The following CHD9 variants were observed in gnomAD, a reference collection of about 807,000 sequenced individuals.
CHD9 encodes ATP-dependent chromatin remodeler CHD9.
Under a neutral mutation model 316.1 loss-of-function variants are expected in CHD9, and 77 were observed. The observed-to-expected ratio is 0.24, with a 90% CI of 0.20 to 0.29. The LOEUF (loss-of-function observed/expected upper bound fraction) is 0.29, where lower values mean the gene tolerates loss of function less well. Ranked by LOEUF, CHD9 falls within the 10% of genes least tolerant of loss-of-function variation. CHD9 has a pLI of 1.00. For missense variants in CHD9, 2,763 were observed against 3,438.1 expected (o/e 0.80, Z 4.91); for synonymous variants, 1,129 against 1,158.3 (o/e 0.97, Z 0.51).
Position 53,325,111 on chromosome 16 carries a change from G to A in CHD9, c.*216G>A, listed in dbSNP as rs1385504095. The A allele has an allele frequency of 7.6e-6, 3 of 393,750 alleles. No homozygotes were observed. Among genetic ancestry groups the A allele is most frequent in the Non-Finnish European group, 1.4e-5 (3 of 220,370 alleles). The allele number at this position is 393,750 out of a possible 1,614,324, so 24.4% of individuals were successfully genotyped here. ...CGTATGTACTATCAAATACATAAAG[G>A]TGTAAAATTACAACAAAAGGCATTA... On this transcript the variant is annotated 3_prime_UTR_variant, in exon 39 of 39. Coordinates refer to ENST00000447540, the MANE Select transcript of CHD9 (RefSeq NM_001308319.2).
intron 1 of CHD9, among the ~76,000 whole-genome samples, chr16:53,066,459 T>C (rs183069136): frequency 2.5e-4 from 38 of 152,316 alleles, no homozygotes; most frequent in African/African-American, 8.4e-4. Flanking sequence ...TCTACCCATA[T>C]AGAGAAATGG....
rs570326018 is a variant in CHD9 at position 53,304,485 on chromosome 16, G to C, written c.6479G>C (p.Arg2160Pro). ...SSSSSSCSHS[R>P]SGSSSSSSSS... The stretch of plus-strand genomic sequence containing the variant: ...TCATCCTCTTCTTGCTCCCACTCTC[G>C]ATCAGGCTCTAGTTCTTCTTCATCT... The change falls in exon 31 of 39, where the codon CGA becomes CCA. Residue 2160 changes from arginine (R) to proline (P), a missense_variant. Arg to Pro is a moderately radical substitution (Grantham distance 103). This residue lies in a region of CHD9 where 663 missense variants were observed against 751.2 expected (regional missense o/e 0.88). Coordinates refer to ENST00000447540, the MANE Select transcript of CHD9 (RefSeq NM_001308319.2). 1 of 1,556,604 alleles carries C rather than the reference G, an allele frequency of 6.4e-7. No homozygotes were observed. Among genetic ancestry groups the C allele is most frequent in the Admixed American group, 2.0e-5 (1 of 51,220 alleles).
chr16:53,255,262 T>C (rs2050493780), intron 18 of CHD9, among the ~76,000 whole-genome samples: 2 of 152,010 alleles, frequency 1.3e-5, no homozygotes, highest in Non-Finnish European at 2.9e-5. Context: ...TGAGCTGTGT[T>C]TACACCACTG....
chr16:53,129,358 G>T, intron 1 of CHD9, among the ~76,000 whole-genome samples: 1 of 152,204 alleles, frequency 6.6e-6, no homozygotes, highest in East Asian at 1.9e-4. Flanking sequence ...GGGCCCCAGA[G>T]ATAAACTCTT....
In CHD9 at chr16:53,158,633, G is replaced by GT. The variant is rs535384893; in HGVS notation, c.1452+1101dup. ...TAGTTAGAAATTAATACTTTTTTTT[G>GT]TTTTTTTTTAATTTTTCTTTTGAGA... On this transcript the variant is annotated intron_variant, in intron 2 of 38. Transcript: ENST00000447540. 6.9e-3 allele frequency among the ~76,000 whole-genome samples: 1,040 copies of GT among 150,542 alleles called. 13 individuals are homozygous for GT. The highest frequency in any genetic ancestry group is 0.022 in the African/African-American group (910 of 41,038).
At chr16:53,121,686 G>A (rs946767713) in intron 1 of CHD9, 2 of 218,326 alleles carry the variant, frequency 9.2e-6, no homozygotes, top group African/African-American at 4.6e-5. Flanking sequence ...GCTTTTAAAT[G>A]ATCTTTGAGG....
rs576551708 is a variant in CHD9 at position 53,055,837 on chromosome 16, C to G, written c.-165+760C>G. 1.8e-4 allele frequency among the ~76,000 whole-genome samples: 28 copies of G among 152,256 alleles called. 1 individual carries two copies. The highest frequency in any genetic ancestry group is 5.3e-4 in the African/African-American group (22 of 41,540). ...GTTGAACTCGAAAGTGGACAAGGAA[C>G]AGAAAGACACCAGTGTGGAATGTGA... On this transcript the variant is annotated intron_variant, in intron 1 of 38. Coordinates refer to ENST00000447540, the MANE Select transcript of CHD9 (RefSeq NM_001308319.2).
At chr16:53,319,423 T>C (rs75055279) in intron 37 of CHD9, among the ~76,000 whole-genome samples, 4,937 of 152,328 alleles carry the variant, frequency 0.032, 100 homozygotes, top group Middle Eastern at 0.071. Context: ...TATTGTTGGG[T>C]ACACCAACTC....
At chr16:53,306,106 C>CT (rs995389700) in intron 31 of CHD9, 131 bp from the exon 32 acceptor site, 127 of 519,324 alleles carry the variant, frequency 2.4e-4, no homozygotes, top group Non-Finnish European at 3.6e-4. Context: ...GATTTTTTCT[C>CT]TTTTTTTATC....
intron 3 of CHD9, among the ~76,000 whole-genome samples, chr16:53,213,664 T>C (rs2046508304): frequency 6.6e-6 from 1 of 152,240 alleles, no homozygotes; most frequent in Non-Finnish European, 1.5e-5. Flanking sequence ...AATTTTCTTA[T>C]GGCCCTGTTT....
chr16:53,170,280 C>T (rs1316886787), intron 2 of CHD9, among the ~76,000 whole-genome samples: 1 of 151,810 alleles, frequency 6.6e-6, no homozygotes, highest in Non-Finnish European at 1.5e-5. Flanking sequence ...AATCATTGTA[C>T]TATAATATGT....
At chr16:53,061,735 A>G (rs568325663) in intron 1 of CHD9, among the ~76,000 whole-genome samples, 10 of 152,264 alleles carry the variant, frequency 6.6e-5, no homozygotes, top group African/African-American at 2.4e-4. Context: ...TGCTGTGCAC[A>G]CCCTGAAGCC....
At chr16:53,186,535 G>A (rs1320601899) in intron 2 of CHD9, among the ~76,000 whole-genome samples, 2 of 152,272 alleles carry the variant, frequency 1.3e-5, no homozygotes, top group Non-Finnish European at 2.9e-5. Context: ...ATAAGACTTC[G>A]AGGGACTGTT....
intron 34 of CHD9, among the ~76,000 whole-genome samples, chr16:53,309,334 T>C (rs1484355901): frequency 6.6e-6 from 1 of 152,212 alleles, no homozygotes; most frequent in Admixed American, 6.5e-5. Flanking sequence ...ATTGGGCAGC[T>C]CAAATTGTCA....
chr16:53,232,777 T>C (rs1329305519), intron 10 of CHD9, among the ~76,000 whole-genome samples: 3 of 149,350 alleles, frequency 2.0e-5, no homozygotes, highest in African/African-American at 7.4e-5. Context: ...TCATTGGCTA[T>C]CACTTAAAAA....
chr16:53,308,545 A>C (rs1181262515), intron 33 of CHD9, 141 bp from the exon 34 acceptor site: 3 of 637,330 alleles, frequency 4.7e-6, no homozygotes, highest in Non-Finnish European at 8.2e-6. Flanking sequence ...TATTTGACTG[A>C]TTTATGAATG....
rs545880354 is a variant in CHD9 at position 53,157,453 on chromosome 16, A to C, written c.1364A>C (p.Gln455Pro). ...VTRPSDMAQTQLQSQARSWHS... is the reference protein window; with the variant it reads ...VTRPSDMAQTPLQSQARSWHS... ...CGGCCTTCTGATATGGCTCAGACTC[A>C]GTTGCAAAGTCAGGCTCGGAGTTGG... The change falls in exon 2 of 39, where the codon CAG (glutamine) becomes CCG (proline). Residue 455 changes from glutamine (Q) to proline (P), a missense_variant. By Grantham distance (76) the Gln-to-Pro change is moderately conservative. Coordinates refer to ENST00000447540, the MANE Select transcript of CHD9 (RefSeq NM_001308319.2). 37 of 1,614,006 alleles carry C rather than the reference A, an allele frequency of 2.3e-5. No individual in the cohort carries two copies. In the East Asian group the frequency reaches 6.2e-4, roughly 27 times the overall value.
At position 53,314,915 on chromosome 16, in the gene CHD9, T is replaced by A; in HGVS notation, c.7455T>A (p.Ser2485Arg). ...TQPQGIPDTE[S>R]PVPVINLKDG... ...CTCAAGGAATTCCTGATACAGAAAG[T>A]CCAGTTCCAGTTATTAATCTTAAAG... The change falls in exon 36 of 39, where the codon AGT becomes AGA. Residue 2485 changes from serine (S) to arginine (R), a missense_variant. By Grantham distance (110) the Ser-to-Arg change is moderately radical. Transcript: ENST00000447540. 1 of 1,613,580 alleles carries A rather than the reference T, an allele frequency of 6.2e-7. No homozygotes were observed. The highest frequency in any genetic ancestry group is 2.2e-5 in the East Asian group (1 of 44,852).
At chr16:53,244,649 A>C (rs1365127924) in intron 13 of CHD9, among the ~76,000 whole-genome samples, 1 of 152,206 alleles carries the variant, frequency 6.6e-6, no homozygotes, top group Non-Finnish European at 1.5e-5. Flanking sequence ...TTTGAGTACA[A>C]AAGAAAAAAT....
Sources: gnomAD v4.1 joint callset for allele counts (sites outside exome capture counted in the v4.1 genomes callset) on GRCh38, gnomAD v4.1.1 for gene constraint, gnomAD v4.1.1 regional missense constraint, MANE v1.5 for transcripts, NCBI Gene and HGNC (gene_info 2026-07-23, HGNC 2026-07-21) for gene names.